KIAA1328: variants seen among roughly 807,000 people sequenced by gnomAD.
KIAA1328 encodes the protein protein hinderin.
Under a neutral mutation model 68.1 loss-of-function variants are expected in KIAA1328, and 52 were observed. That is an observed-to-expected ratio of 0.76 (90% CI 0.61 to 0.96). The LOEUF is 0.96. Among genes scored for constraint, KIAA1328 ranks in the 40% least tolerant of loss-of-function variants. The probability of loss-of-function intolerance (pLI) is 0.00; values close to 1 mark genes in which losing one functional copy is unlikely to be tolerated. For synonymous variants in KIAA1328, 232 were observed against 239.4 expected (o/e 0.97, Z 0.28); for missense variants, 641 against 677.6 (o/e 0.95, Z 0.60).
intron 6 of KIAA1328, among the ~76,000 whole-genome samples, chr18:37,018,148 G>C (rs2054217248): frequency 6.6e-6 from 1 of 151,986 alleles, no homozygotes; most frequent in South Asian, 2.1e-4. Flanking sequence ...TTGGAAGGCT[G>C]GTCTAGTGGT....
chr18:36,941,723 A>G (rs1306956849), intron 5 of KIAA1328, among the ~76,000 whole-genome samples: 1 of 152,210 alleles, frequency 6.6e-6, no homozygotes, highest in Non-Finnish European at 1.5e-5. Context: ...ATATTTATTC[A>G]TAATTACTCT....
chr18:37,097,980 C>T (rs12373280), intron 7 of KIAA1328, among the ~76,000 whole-genome samples: 4,080 of 152,122 alleles, frequency 0.027, 71 homozygotes, highest in Non-Finnish European at 0.04. Context: ...TGGGCTGAGA[C>T]AGTGGGGTTT....
chr18:37,226,853 C>T (rs1463256604), downstream of KIAA1328, among the ~76,000 whole-genome samples: 2 of 151,780 alleles, frequency 1.3e-5, no homozygotes, highest in African/African-American at 4.8e-5. Flanking sequence ...CTGCAACCTC[C>T]GCCTCCCGGG....
At chr18:36,851,879 C>T (rs1427453684) in intron 4 of KIAA1328, among the ~76,000 whole-genome samples, 1 of 151,832 alleles carries the variant, frequency 6.6e-6, no homozygotes, top group African/African-American at 2.4e-5. Flanking sequence ...AGTTAAGTTA[C>T]TGATTTGAGA....
chr18:37,224,117 C>A lies in KIAA1328; in HGVS notation c.*1890C>A, dbSNP rs1259440277. ...TTCAGTTAAAGTTAGGTTGCCAGAA[C>A]TTTCTTTTCCTTGCCCCCTGTGTCA... On this transcript the variant is annotated 3_prime_UTR_variant, in exon 10 of 10. Transcript: ENST00000280020. The A allele has an allele frequency of 1.0e-6, 1 of 985,254 alleles. No individual in the cohort carries two copies. The highest frequency in any genetic ancestry group is 1.7e-5 in the African/African-American group (1 of 57,216). 61.0% of individuals were successfully genotyped at this position (985,254 alleles called of 1,614,324 possible). A position where few individuals can be genotyped will look rare whatever the true frequency, so the allele number is the denominator to read the frequency against.
chr18:37,016,649 A>T (rs768126947), intron 6 of KIAA1328, among the ~76,000 whole-genome samples: 1 of 152,022 alleles, frequency 6.6e-6, no homozygotes, highest in Admixed American at 6.6e-5. Flanking sequence ...TCAAAACTCA[A>T]TATTGTTCTG....
intron 5 of KIAA1328, among the ~76,000 whole-genome samples, chr18:36,895,362 A>G (rs554982101): frequency 5.9e-4 from 90 of 152,314 alleles, no homozygotes; most frequent in African/African-American, 2.1e-3. Context: ...TAGGGGTGAG[A>G]AAGTGAAGGC....
intron 9 of KIAA1328, among the ~76,000 whole-genome samples, chr18:37,191,694 T>G (rs1313324604): frequency 1.3e-5 from 2 of 152,218 alleles, no homozygotes; most frequent in African/African-American, 4.8e-5. Context: ...CCATCTCTAA[T>G]TTTCATCTGA....
At chr18:36,863,722 A>G (rs1326242076) in intron 4 of KIAA1328, among the ~76,000 whole-genome samples, 1 of 152,204 alleles carries the variant, frequency 6.6e-6, no homozygotes, top group Non-Finnish European at 1.5e-5. Context: ...GGATAAAGAT[A>G]CTATACATAT....
rs1222969045 is a variant in KIAA1328 at position 37,120,126 on chromosome 18, A to G, written c.1233-40074A>G. Among the ~76,000 whole-genome samples the G allele has an allele frequency of 2.0e-5, 3 of 152,204 alleles. No individual in the cohort carries two copies. In the East Asian group the frequency reaches 5.8e-4, roughly 29 times the overall value. Reference sequence around the variant, plus strand: ...TGAACACTTTATTTTCAAAAACCAAAGGTGTAAAGACAATATAATATGCAA... The same window carrying G: ...TGAACACTTTATTTTCAAAAACCAAGGGTGTAAAGACAATATAATATGCAA... On this transcript the variant is annotated intron_variant, in intron 7 of 9. Transcript: ENST00000280020.
chr18:36,952,130 AT>A (rs985232505), intron 5 of KIAA1328, among the ~76,000 whole-genome samples: 2 of 152,158 alleles, frequency 1.3e-5, no homozygotes, highest in Non-Finnish European at 2.9e-5. Context: ...TAATGTACAT[AT>A]TGATCATTTT....
chr18:37,124,596 T>C (rs942152162), intron 7 of KIAA1328, among the ~76,000 whole-genome samples: 1 of 152,188 alleles, frequency 6.6e-6, no homozygotes, highest in African/African-American at 2.4e-5. Context: ...TTTCAGTATG[T>C]TTTACATACT....
At chr18:36,889,790 C>T (rs1054468866) in intron 5 of KIAA1328, among the ~76,000 whole-genome samples, 2 of 152,024 alleles carry the variant, frequency 1.3e-5, no homozygotes, top group African/African-American at 4.8e-5. Context: ...GATGACTAAC[C>T]CAGGTTTCTC....
intron 9 of KIAA1328, among the ~76,000 whole-genome samples, chr18:37,185,459 G>A (rs933461853): frequency 2.6e-5 from 4 of 152,128 alleles, no homozygotes; most frequent in Admixed American, 2.6e-4. Flanking sequence ...TGAGGTTTCA[G>A]TCACATAGAA....
At chr18:37,096,721 C>G (rs576199070) in intron 7 of KIAA1328, among the ~76,000 whole-genome samples, 1 of 152,316 alleles carries the variant, frequency 6.6e-6, no homozygotes, top group South Asian at 2.1e-4. Context: ...TTTTCCACAT[C>G]CTCTCCAGCA....
Position 37,225,306 on chromosome 18 carries a change from A to G in KIAA1328, c.*3079A>G. ...TATGTACGTATGAGATTTCAAGTTA[A>G]TAAATCATCTCTATGGCTATTTTCC... On this transcript the variant is annotated 3_prime_UTR_variant, in exon 10 of 10. Coordinates refer to ENST00000280020, the MANE Select transcript of KIAA1328 (RefSeq NM_020776.3). The G allele has an allele frequency of 1.0e-6, 1 of 985,404 alleles. No individual in the cohort carries two copies. The highest frequency in any genetic ancestry group is 4.7e-5 in the South Asian group (1 of 21,286). The allele number at this position is 985,404 out of a possible 1,614,324, so 61.0% of individuals were successfully genotyped here. A position where few individuals can be genotyped will look rare whatever the true frequency, so the allele number is the denominator to read the frequency against.
intron 6 of KIAA1328, among the ~76,000 whole-genome samples, chr18:37,028,696 C>T (rs570255438): frequency 6.6e-6 from 1 of 151,926 alleles, no homozygotes; most frequent in Non-Finnish European, 1.5e-5. Flanking sequence ...GAAGTGTGTT[C>T]CTTCAATGCC....
chr18:36,899,044 A>G (rs937510787), intron 5 of KIAA1328, among the ~76,000 whole-genome samples: 2 of 151,936 alleles, frequency 1.3e-5, no homozygotes, highest in Admixed American at 1.3e-4. Flanking sequence ...ATGAGAAGAG[A>G]ACATCTTCAT....
rs192504889 is a variant in KIAA1328, at chr18:37,221,691, G to A, written c.1524-326G>A. Among the ~76,000 whole-genome samples the A allele has an allele frequency of 1.4e-3, 212 of 152,302 alleles. 1 individual carries two copies. The highest frequency in any genetic ancestry group is 2.6e-3 in the Non-Finnish European group (176 of 68,032). On this transcript the variant is annotated intron_variant, in intron 9 of 9. Coordinates refer to ENST00000280020, the MANE Select transcript of KIAA1328 (RefSeq NM_020776.3). ...AAATATTTGTAGTGTTAGGAACAGT[G>A]CCTGACAGTAAGCCTGCAGTAAATG...
Sources: gnomAD v4.1 joint callset for allele counts (sites outside exome capture counted in the v4.1 genomes callset) on GRCh38, gnomAD v4.1.1 for gene constraint, MANE v1.5 for transcripts, NCBI Gene and HGNC (gene_info 2026-07-23, HGNC 2026-07-21) for gene names.